The following CTNNA2 variants were observed in gnomAD, a reference collection of about 807,000 sequenced individuals.
CTNNA2 encodes catenin alpha-2.
In CTNNA2, 42 loss-of-function variants were observed where a neutral mutation model predicts 101.0. That is an observed-to-expected ratio of 0.42 (90% confidence interval 0.32 to 0.54). The LOEUF (loss-of-function observed/expected upper bound fraction) is 0.54, where lower values mean the gene tolerates loss of function less well. Among genes scored for constraint, CTNNA2 ranks in the 20% least tolerant of loss-of-function variants. The probability of loss-of-function intolerance (pLI) is 0.14; values close to 1 mark genes in which losing one functional copy is unlikely to be tolerated. For synonymous variants in CTNNA2, 450 were observed against 456.4 expected, an observed-to-expected ratio of 0.99 and a Z score of 0.18; for missense variants, 871 against 1,223.1, an observed-to-expected ratio of 0.71 and a Z score of 4.29.
intron 3 of CTNNA2, among the ~76,000 whole-genome samples, chr2:79,818,634 A>G (rs952984905): frequency 1.3e-5 from 2 of 151,504 alleles, no homozygotes; most frequent in African/African-American, 4.9e-5. Flanking sequence ...CCTTTAAAAG[A>G]CTGTTAATGA....
intron 7 of CTNNA2, among the ~76,000 whole-genome samples, chr2:80,011,113 T>C (rs200028066): frequency 1.3e-5 from 2 of 152,164 alleles, no homozygotes; most frequent in East Asian, 3.9e-4. Context: ...GACTCATTTT[T>C]ACACCCCTCA....
At chr2:80,184,338 AAAT>A (rs986632976) in intron 7 of CTNNA2, among the ~76,000 whole-genome samples, 2 of 152,170 alleles carry the variant, frequency 1.3e-5, no homozygotes, top group Non-Finnish European at 2.9e-5. Context: ...TGTGATAAAG[AAAT>A]AATAATAATA....
intron 3 of CTNNA2, among the ~76,000 whole-genome samples, chr2:79,850,580 A>T (rs545485252): frequency 4.3e-4 from 65 of 152,310 alleles, no homozygotes; most frequent in African/African-American, 1.6e-3. Context: ...AGTAAACAGG[A>T]TGTTAAAATA....
chr2:80,074,845 T>A (rs1698572798), intron 7 of CTNNA2, among the ~76,000 whole-genome samples: 1 of 152,220 alleles, frequency 6.6e-6, no homozygotes, highest in African/African-American at 2.4e-5. Flanking sequence ...TACTAAGCCT[T>A]ACAAATATCT....
intron 4 of CTNNA2, among the ~76,000 whole-genome samples, chr2:79,865,320 C>T (rs573411929): frequency 9.9e-5 from 15 of 152,250 alleles, no homozygotes; most frequent in Admixed American, 3.9e-4. Context: ...AGTTAGATGG[C>T]GGGTCTTACA....
intron 4 of CTNNA2, among the ~76,000 whole-genome samples, chr2:79,461,562 G>A (rs409871): frequency 0.99 from 151,265 of 152,174 alleles, 75,183 homozygotes; most frequent in Middle Eastern, 1. Context: ...AAATGTCTCT[G>A]TAATCAACAC....
intron 3 of CTNNA2, among the ~76,000 whole-genome samples, chr2:79,829,529 C>T (rs147874382): frequency 0.012 from 1,865 of 150,548 alleles, 31 homozygotes; most frequent in East Asian, 0.034. Context: ...GAGATCGCGC[C>T]ATTGCACTCC....
chr2:80,615,153 C>A (rs1698749512), intron 17 of CTNNA2, among the ~76,000 whole-genome samples: 1 of 151,616 alleles, frequency 6.6e-6, no homozygotes, highest in Non-Finnish European at 1.5e-5. Context: ...TTTTACACAT[C>A]TTTCCATTAC....
chr2:79,625,113 T>A (rs573907218), intron 1 of CTNNA2, among the ~76,000 whole-genome samples: 1 of 152,302 alleles, frequency 6.6e-6, no homozygotes, highest in East Asian at 1.9e-4. Context: ...TTTTCCATAA[T>A]TTTTTGAATA....
intron 14 of CTNNA2, 65 bp from the exon 15 acceptor site, chr2:80,589,239 G>A (rs1213126777): frequency 6.6e-7 from 1 of 1,522,848 alleles, no homozygotes; most frequent in Non-Finnish European, 9.0e-7. Context: ...GCAGAAGGCA[G>A]AGTCAACATA....
intron 7 of CTNNA2, among the ~76,000 whole-genome samples, chr2:79,923,443 ATAAT>A (rs1419105820): frequency 1.3e-5 from 2 of 152,194 alleles, no homozygotes; most frequent in African/African-American, 4.8e-5. Flanking sequence ...TCTGCTTTTA[ATAAT>A]TAATTAAATT....
chr2:80,509,915 G>A (rs1688573995), intron 9 of CTNNA2, among the ~76,000 whole-genome samples: 2 of 152,146 alleles, frequency 1.3e-5, no homozygotes, highest in South Asian at 2.1e-4. Context: ...TTGAGAAGCA[G>A]TATTCCCCCT....
chr2:80,456,809 G>C (rs1440887825), intron 9 of CTNNA2, among the ~76,000 whole-genome samples: 1 of 152,114 alleles, frequency 6.6e-6, no homozygotes, highest in African/African-American at 2.4e-5. Flanking sequence ...AGGTCGAGTA[G>C]AAGGTGGTTA....
intron 8 of CTNNA2, among the ~76,000 whole-genome samples, chr2:80,416,236 A>G (rs1475248052): frequency 6.6e-6 from 1 of 152,214 alleles, no homozygotes; most frequent in East Asian, 1.9e-4. Flanking sequence ...AAAGGTAGCT[A>G]TATGAGGTAA....
chr2:80,174,334 G>A (rs761335707), intron 7 of CTNNA2, among the ~76,000 whole-genome samples: 19 of 152,082 alleles, frequency 1.2e-4, no homozygotes, highest in Non-Finnish European at 1.8e-4. Flanking sequence ...CCTTGATGAT[G>A]GTGCTCACCT....
chr2:80,554,684 A>T (rs76896655), intron 11 of CTNNA2, among the ~76,000 whole-genome samples: 2,941 of 152,292 alleles, frequency 0.019, 94 homozygotes, highest in African/African-American at 0.067. Flanking sequence ...GCACCTCTTA[A>T]TACTACCCCT....
At chr2:79,623,546 T>C (rs575179722) in intron 1 of CTNNA2, among the ~76,000 whole-genome samples, 5 of 152,322 alleles carry the variant, frequency 3.3e-5, no homozygotes, top group African/African-American at 7.2e-5. Context: ...ATGAATTTGA[T>C]GTAGAAAATC....
At chr2:80,218,975 G>T (rs550294789) in intron 7 of CTNNA2, among the ~76,000 whole-genome samples, 26 of 152,248 alleles carry the variant, frequency 1.7e-4, no homozygotes, top group Admixed American at 1.2e-3. Flanking sequence ...AGAATCACAT[G>T]CTAAGGATCC....
chr2:79,966,954 C>T (rs13001262), intron 7 of CTNNA2, among the ~76,000 whole-genome samples: 102,246 of 151,736 alleles, frequency 0.67, 35,377 homozygotes, highest in African/African-American at 0.82. Flanking sequence ...TTCTAAAATT[C>T]GCAGTGCCTT....
Sources: allele counts gnomAD v4.1 joint callset (sites outside exome capture counted in the v4.1 genomes callset), GRCh38; gene constraint gnomAD v4.1.1; transcripts MANE v1.5; gene names NCBI Gene and HGNC (gene_info 2026-07-23, HGNC 2026-07-21).